SYNE2: variants seen among roughly 807,000 people sequenced by gnomAD.
SYNE2 encodes spectrin repeat containing nuclear envelope protein 2, also known as nesprin-2.
Under a neutral mutation model 856.3 loss-of-function variants are expected in SYNE2, and 431 were observed. The observed-to-expected ratio is 0.50, with a 90% CI of 0.47 to 0.55. SYNE2 has a LOEUF of 0.55. Among genes scored for constraint, SYNE2 ranks in the 20% least tolerant of loss-of-function variants. SYNE2 has a pLI of 0.00. For synonymous variants in SYNE2, 2,923 were observed against 2,872.3 expected (o/e 1.02, Z -0.56); for missense variants, 8,129 against 8,023.2 (o/e 1.01, Z -0.50).
intron 94 of SYNE2, among the ~76,000 whole-genome samples, chr14:64,171,757 G>A (rs1344204180): frequency 6.6e-6 from 1 of 152,216 alleles, no homozygotes; most frequent in African/African-American, 2.4e-5. Context: ...GTGTTTTGCA[G>A]GTTGGGTGTG....
intron 1 of SYNE2, among the ~76,000 whole-genome samples, chr14:63,878,107 G>C (rs1358508219): frequency 1.3e-5 from 2 of 151,902 alleles, no homozygotes; most frequent in African/African-American, 4.8e-5. Flanking sequence ...GGCTGGTCTT[G>C]AACTCCTGGC....
At chr14:63,987,766 A>T (rs1056573099) in intron 19 of SYNE2, among the ~76,000 whole-genome samples, 2 of 147,048 alleles carry the variant, frequency 1.4e-5, no homozygotes, top group South Asian at 4.1e-4. Flanking sequence ...ATATTTAAAA[A>T]TTTTTTAAAT....
chr14:63,920,004 A>G (rs1264299465), intron 2 of SYNE2, among the ~76,000 whole-genome samples: 1 of 114,222 alleles, frequency 8.8e-6, no homozygotes, highest in Admixed American at 8.4e-5. Context: ...GGTAAGAGGT[A>G]CTATTTCATT....
chr14:63,959,320 G>T, intron 8 of SYNE2, among the ~76,000 whole-genome samples: 1 of 108,728 alleles, frequency 9.2e-6, no homozygotes, highest in African/African-American at 3.8e-5. Context: ...TTTTGAGATG[G>T]AGTCTCTTGT....
chr14:64,184,902 C>A (rs909445916), intron 96 of SYNE2, among the ~76,000 whole-genome samples: 1 of 152,182 alleles, frequency 6.6e-6, no homozygotes, highest in Admixed American at 6.5e-5. Flanking sequence ...GCTTTTAGAA[C>A]TCTGAAAATC....
chr14:64,186,212 A>T (rs2098489498), intron 96 of SYNE2, among the ~76,000 whole-genome samples: 1 of 152,240 alleles, frequency 6.6e-6, no homozygotes, highest in South Asian at 2.1e-4. Context: ...AAATAAAGGT[A>T]GAACAGAGTT....
intron 89 of SYNE2, among the ~76,000 whole-genome samples, chr14:64,164,116 T>G (rs1185091760): frequency 6.6e-6 from 1 of 150,408 alleles, no homozygotes; most frequent in Non-Finnish European, 1.5e-5. Context: ...ATTTATTTAT[T>G]TATTTATTTA....
rs144363490 is a variant in SYNE2 at position 64,088,628 on chromosome 14, G to A, written c.11670+772G>A. 3.6e-3 allele frequency among the ~76,000 whole-genome samples: 547 copies of A among 152,288 alleles called. 4 individuals carry two copies. Among genetic ancestry groups the A allele is most frequent in the Admixed American group, 0.01 (157 of 15,304 alleles). On this transcript the variant is annotated intron_variant, in intron 58 of 115. Transcript: ENST00000555002. Reference sequence around the variant, plus strand: ...CTCCACAAAAAGGAATTAAAAACAAGTGTAAAACAGGTAGTCCCAAGTCTT... The same window carrying A: ...CTCCACAAAAAGGAATTAAAAACAAATGTAAAACAGGTAGTCCCAAGTCTT...
chr14:63,770,920 G>A (rs2139704666), intron 1 of SYNE2, among the ~76,000 whole-genome samples: 1 of 152,192 alleles, frequency 6.6e-6, no homozygotes, highest in South Asian at 2.1e-4. Flanking sequence ...TGCCCAGGTT[G>A]GTCTTCATCT....
At chr14:63,843,627 A>G (rs1890140725) in intron 1 of SYNE2, among the ~76,000 whole-genome samples, 3 of 152,182 alleles carry the variant, frequency 2.0e-5, no homozygotes. Flanking sequence ...ATATTTTATC[A>G]TGTTAAGGAA....
In SYNE2 at chr14:64,190,176, G is replaced by A. The variant is rs1457977208; in HGVS notation, c.17977G>A (p.Asp5993Asn). The A allele has an allele frequency of 4.3e-6, 7 of 1,613,954 alleles. No homozygotes were observed. Among genetic ancestry groups the A allele is most frequent in the Non-Finnish European group, 5.1e-6 (6 of 1,180,030 alleles). ...CAACAAATCAAGAGCAGCTGAGATC[G>A]ATGACAAGCTCAACAAAATTAACGA... ...ASNKSRAAEI[D>N]DKLNKINDRW... is the part of the protein sequence containing the mutation. Residue 5993 changes from aspartate (D) to asparagine (N), a missense_variant, in exon 99 of 116, where the codon GAT (aspartate) becomes AAT (asparagine). Coordinates refer to ENST00000555002, the MANE Select transcript of SYNE2 (RefSeq NM_182914.3).
chr14:64,161,180 C>CA (rs1034394380), intron 87 of SYNE2, among the ~76,000 whole-genome samples: 2 of 151,588 alleles, frequency 1.3e-5, no homozygotes, highest in Non-Finnish European at 2.9e-5. Flanking sequence ...CCCATCTCTA[C>CA]AAAAAAACAA....
At chr14:63,771,424 T>C (rs1886907887) in intron 1 of SYNE2, among the ~76,000 whole-genome samples, 2 of 152,130 alleles carry the variant, frequency 1.3e-5, no homozygotes. Context: ...GATAAAAATT[T>C]GGTATTGTCT....
intron 1 of SYNE2, among the ~76,000 whole-genome samples, chr14:63,784,566 C>T (rs1030360958): frequency 3.9e-5 from 6 of 152,006 alleles, no homozygotes; most frequent in African/African-American, 1.2e-4. Context: ...CTCTATGTTG[C>T]GCAGACTGGT....
At chr14:64,024,516 A>ACTCTGCCTCAGCGCAGAGAG in intron 39 of SYNE2, 57 bp downstream of exon 39, 1 of 1,538,942 alleles carries the variant, frequency 6.5e-7, no homozygotes, top group Non-Finnish European at 8.9e-7. Context: ...CTTTATTTGT[A>ACTCTGCCTCAGCGCAGAGAG]CTCTGCCTCA....
intron 6 of SYNE2, among the ~76,000 whole-genome samples, chr14:63,948,782 GTATATATATATATATATATA>G (rs3062027): frequency 0.014 from 622 of 43,884 alleles, 28 homozygotes; most frequent in Admixed American, 0.017. Flanking sequence ...ATGTGTGTGT[GTATATATATATATATATATA>G]TATATATATA....
intron 1 of SYNE2, among the ~76,000 whole-genome samples, chr14:63,901,672 C>G (rs576547631): frequency 3.0e-4 from 45 of 152,296 alleles, no homozygotes; most frequent in Non-Finnish European, 6.3e-4. Context: ...CATCTGTAAT[C>G]CCAGGACTTT....
chr14:64,208,303 G>T, intron 100 of SYNE2: 1 of 376,014 alleles, frequency 2.7e-6, no homozygotes, highest in Admixed American at 3.6e-5. Flanking sequence ...TGTTTGAAGA[G>T]TTCGGTAGCT....
intron 26 of SYNE2, among the ~76,000 whole-genome samples, chr14:63,998,697 G>T (rs571062535): frequency 6.6e-6 from 1 of 152,158 alleles, no homozygotes; most frequent in South Asian, 2.1e-4. Context: ...GAGTAGCTGA[G>T]ATTATAGACA....
Sources: allele counts gnomAD v4.1 joint callset (sites outside exome capture counted in the v4.1 genomes callset), GRCh38; gene constraint gnomAD v4.1.1; transcripts MANE v1.5; gene names NCBI Gene and HGNC (gene_info 2026-07-23, HGNC 2026-07-21).